PROM1: variants seen among roughly 807,000 people sequenced by gnomAD.
PROM1 encodes prominin-1.
A neutral mutation model predicts 116.9 loss-of-function variants in PROM1; 105 were observed. That is an observed-to-expected ratio of 0.90 (90% CI 0.77 to 1.06). The LOEUF is 1.06. Among genes scored for constraint, PROM1 ranks in the 50% least tolerant of loss-of-function variants. The pLI is 0.00. For synonymous variants in PROM1, 393 were observed against 387.0 expected, an observed-to-expected ratio of 1.02 and a Z score of -0.18; for missense variants, 1,122 against 1,045.2, an observed-to-expected ratio of 1.07 and a Z score of -1.01.
In PROM1 at chr4:15,989,791, C is replaced by T. The variant is rs1421597086; in HGVS notation, c.2017G>A (p.Asp673Asn). The T allele has an allele frequency of 1.2e-6, 2 of 1,609,308 alleles. No homozygotes were observed. Among genetic ancestry groups the T allele is most frequent in the African/African-American group, 1.3e-5 (1 of 74,894 alleles). ...TGAATTGTTTTAATAGTTTGTGCAT[C>T]TCTTTTCAGGGAGTTCCTCAAATTT... ...PGNLRNSLKR[D>N]AQTIKTIHQQ... The change falls in exon 19 of 28, where the codon GAT (aspartate) becomes AAT (asparagine). Residue 673 changes from aspartate to asparagine, a missense_variant. By Grantham distance (23) the Asp-to-Asn change is conservative. Transcript: ENST00000447510.
At chr4:16,074,845 G>A (rs1743605028) in intron 2 of PROM1, among the ~76,000 whole-genome samples, 1 of 152,122 alleles carries the variant, frequency 6.6e-6, no homozygotes, top group South Asian at 2.1e-4. Flanking sequence ...ACAAACAGTA[G>A]CTGAACAGCT....
At chr4:16,056,712 C>A (rs1311886191) in intron 2 of PROM1, among the ~76,000 whole-genome samples, 2 of 151,588 alleles carry the variant, frequency 1.3e-5, no homozygotes, top group Admixed American at 1.3e-4. Flanking sequence ...GTCGTCCAGG[C>A]AAAGGGAATA....
chr4:15,979,844 TC>T, intron 25 of PROM1, 36 bp downstream of exon 25: 1 of 1,429,270 alleles, frequency 7.0e-7, no homozygotes, highest in East Asian at 2.5e-5. Flanking sequence ...ACCTCCCCCA[TC>T]CCATCTAGGA....
chr4:16,076,496 C>T (rs1243359701), intron 1 of PROM1: 1 of 152,662 alleles, frequency 6.6e-6, no homozygotes, highest in Non-Finnish European at 1.5e-5. Context: ...AGGCATTATT[C>T]CATTTTGCAG....
intron 3 of PROM1, among the ~76,000 whole-genome samples, chr4:16,037,296 G>T (rs1366324671): frequency 2.0e-5 from 3 of 152,124 alleles, no homozygotes; most frequent in Non-Finnish European, 4.4e-5. Flanking sequence ...AATCACATTG[G>T]GAGATATAAA....
At chr4:16,016,672 C>A (rs1303489850) in intron 9 of PROM1, among the ~76,000 whole-genome samples, 1 of 152,170 alleles carries the variant, frequency 6.6e-6, no homozygotes, top group Non-Finnish European at 1.5e-5. Flanking sequence ...CTAGCTCCTA[C>A]CAATACTGGG....
chr4:16,079,537 A>G (rs1178380804), intron 1 of PROM1: 1 of 152,210 alleles, frequency 6.6e-6, no homozygotes, highest in Non-Finnish European at 1.5e-5. Flanking sequence ...AGGTTGTGCC[A>G]AAAACAGAAG....
At chr4:15,975,953 A>G (rs1716006912) in intron 26 of PROM1, among the ~76,000 whole-genome samples, 1 of 152,210 alleles carries the variant, frequency 6.6e-6, no homozygotes, top group South Asian at 2.1e-4. Context: ...TTGGAGTTCT[A>G]CTATAGAACA....
intron 2 of PROM1, among the ~76,000 whole-genome samples, chr4:16,053,227 C>T (rs1738274723): frequency 6.6e-6 from 1 of 152,196 alleles, no homozygotes; most frequent in African/African-American, 2.4e-5. Context: ...ATCTGTACTA[C>T]TTTTGCAATG....
intron 14 of PROM1, among the ~76,000 whole-genome samples, chr4:16,000,100 T>C (rs1349394867): frequency 6.6e-6 from 1 of 152,190 alleles, no homozygotes; most frequent in East Asian, 1.9e-4. Context: ...TGGACACCTC[T>C]GTCACCTGGG....
At chr4:16,033,586 CTTT>C (rs60492380) in intron 4 of PROM1, 77 bp from the exon 5 acceptor site, 1,392 of 271,906 alleles carry the variant, frequency 5.1e-3, no homozygotes, top group East Asian at 0.011. Flanking sequence ...GTACAAAGTT[CTTT>C]TTTTTTTTTT....
chr4:16,030,500 C>A (rs989754922), intron 5 of PROM1, among the ~76,000 whole-genome samples: 1 of 151,990 alleles, frequency 6.6e-6, no homozygotes, highest in African/African-American at 2.4e-5. Flanking sequence ...AAAGAATTTT[C>A]TAAATTAAAA....
chr4:15,994,008 A>C lies in PROM1; in HGVS notation c.1746T>G (p.Ser582Arg), dbSNP rs781323323. The change falls in exon 16 of 28, where the codon AGT (serine) becomes AGG (arginine). Residue 582 changes from serine (S) to arginine (R), a missense_variant. Transcript: ENST00000447510. ...TTACCTCATTAATGTTGAGATGTTCACTGATATTGAAGCTGTTCTGCAGGT... is the reference window on the plus strand; with the variant it reads ...TTACCTCATTAATGTTGAGATGTTCCCTGATATTGAAGCTGTTCTGCAGGT... ...TLHLQNSFNISEHLNINEHTG... is the reference protein window; with the variant it reads ...TLHLQNSFNIREHLNINEHTG... 1.2e-6 allele frequency: 2 copies of C among 1,613,820 alleles called. No individual in the cohort carries two copies. The highest frequency in any genetic ancestry group is 1.7e-6 in the Non-Finnish European group (2 of 1,179,846).
intron 2 of PROM1, among the ~76,000 whole-genome samples, chr4:16,069,090 C>G (rs1210134719): frequency 6.6e-6 from 1 of 152,120 alleles, no homozygotes; most frequent in Non-Finnish European, 1.5e-5. Flanking sequence ...CAAAAATTAG[C>G]TAAGTATGGT....
intron 1 of PROM1, among the ~76,000 whole-genome samples, chr4:16,076,938 A>T (rs542939182): frequency 6.6e-6 from 1 of 152,374 alleles, no homozygotes; most frequent in Non-Finnish European, 1.5e-5. Context: ...CTACCCAGGG[A>T]CACAAACATT....
At chr4:16,046,279 G>C (rs1736530339) in intron 2 of PROM1, among the ~76,000 whole-genome samples, 1 of 152,178 alleles carries the variant, frequency 6.6e-6, no homozygotes, top group African/African-American at 2.4e-5. Context: ...TTTCTCCAGG[G>C]TTCCCATATG....
At chr4:16,019,589 G>A (rs1729289457) in intron 8 of PROM1, among the ~76,000 whole-genome samples, 1 of 152,210 alleles carries the variant, frequency 6.6e-6, no homozygotes, top group Non-Finnish European at 1.5e-5. Context: ...GGATGATGGA[G>A]CTACCTATAC....
intron 14 of PROM1, among the ~76,000 whole-genome samples, chr4:15,998,722 CTTT>C (rs539347899): frequency 6.8e-6 from 1 of 147,202 alleles, no homozygotes; most frequent in Non-Finnish European, 1.5e-5. Flanking sequence ...TTTTTGAGAA[CTTT>C]TTTTTTTTGA....
At chr4:16,018,622 GGAC>G in intron 8 of PROM1, 82 bp from the exon 9 acceptor site, 1 of 1,277,470 alleles carries the variant, frequency 7.8e-7, no homozygotes, top group South Asian at 1.3e-5. Context: ...GACTTGGGAT[GGAC>G]TGGTAAATGA....
Sources: allele counts gnomAD v4.1 joint callset (sites outside exome capture counted in the v4.1 genomes callset), GRCh38; gene constraint gnomAD v4.1.1; transcripts MANE v1.5; gene names NCBI Gene and HGNC (gene_info 2026-07-23, HGNC 2026-07-21).